The following PTPRD variants were observed in gnomAD, a reference collection of about 807,000 sequenced individuals.
PTPRD encodes receptor-type tyrosine-protein phosphatase delta.
A neutral mutation model predicts 214.5 loss-of-function variants in PTPRD; 34 were observed. The ratio of observed to expected loss-of-function variants is 0.16; its 90% confidence interval spans 0.12 to 0.21. The LOEUF is 0.21. Among genes scored for constraint, PTPRD ranks in the 10% least tolerant of loss-of-function variants. PTPRD has a pLI of 1.00. For synonymous variants in PTPRD, 1,128 were observed against 845.7 expected, an observed-to-expected ratio of 1.33 and a Z score of -5.79; for missense variants, 2,545 against 2,398.7, an observed-to-expected ratio of 1.06 and a Z score of -1.27.
At chr9:9,161,510 G>A (rs1275383402) in intron 10 of PTPRD, among the ~76,000 whole-genome samples, 1 of 152,088 alleles carries the variant, frequency 6.6e-6, no homozygotes, top group African/African-American at 2.4e-5. Context: ...TAGCAATAGA[G>A]ATTTAATTTT....
At chr9:9,736,748 G>A (rs960446093) in intron 6 of PTPRD, among the ~76,000 whole-genome samples, 3 of 151,804 alleles carry the variant, frequency 2.0e-5, no homozygotes, top group Admixed American at 6.6e-5. Flanking sequence ...CATCTGAGAA[G>A]GTTTTTTTAA....
intron 10 of PTPRD, among the ~76,000 whole-genome samples, chr9:9,128,705 A>T (rs1239677155): frequency 2.6e-5 from 4 of 152,226 alleles, no homozygotes; most frequent in Admixed American, 6.5e-5. Flanking sequence ...ATTTTGGAGA[A>T]CTCAGTATGA....
intron 9 of PTPRD, among the ~76,000 whole-genome samples, chr9:9,298,739 T>G (rs1954092945): frequency 6.6e-6 from 1 of 151,880 alleles, no homozygotes; most frequent in Non-Finnish European, 1.5e-5. Context: ...TAATTCCTCC[T>G]CTTCTCTGAA....
chr9:9,361,305 T>C (rs1223909026), intron 9 of PTPRD, among the ~76,000 whole-genome samples: 2 of 151,140 alleles, frequency 1.3e-5, no homozygotes, highest in African/African-American at 4.8e-5. Context: ...TTCAAAAATA[T>C]CAATTCAGTC....
At chr9:10,197,433 A>G (rs1190105277) in intron 3 of PTPRD, among the ~76,000 whole-genome samples, 1 of 152,142 alleles carries the variant, frequency 6.6e-6, no homozygotes, top group East Asian at 1.9e-4. Flanking sequence ...CTTACAAGAC[A>G]TTAAAAACTT....
intron 3 of PTPRD, among the ~76,000 whole-genome samples, chr9:10,224,853 T>G (rs1302231360): frequency 6.6e-6 from 1 of 152,074 alleles, no homozygotes; most frequent in African/African-American, 2.4e-5. Flanking sequence ...ATACATTTTC[T>G]ATTCCTTATG....
At chr9:8,548,059 T>C (rs2140508482) in intron 14 of PTPRD, among the ~76,000 whole-genome samples, 2 of 152,250 alleles carry the variant, frequency 1.3e-5, no homozygotes, top group Middle Eastern at 6.8e-3. Context: ...CAGGGGTGAA[T>C]AACGATTTTG....
intron 3 of PTPRD, among the ~76,000 whole-genome samples, chr9:10,301,436 G>A (rs2154407081): frequency 6.6e-6 from 1 of 152,320 alleles, no homozygotes; most frequent in East Asian, 1.9e-4. Context: ...ATTGACAGAA[G>A]TAAGCCTCAG....
chr9:8,696,642 T>G (rs569869083), intron 12 of PTPRD, among the ~76,000 whole-genome samples: 7 of 152,136 alleles, frequency 4.6e-5, no homozygotes, highest in Non-Finnish European at 1.0e-4. Flanking sequence ...GGGAAGACAA[T>G]GGATGAAAAT....
intron 9 of PTPRD, among the ~76,000 whole-genome samples, chr9:9,297,887 T>G (rs989691830): frequency 5.9e-5 from 9 of 151,658 alleles, no homozygotes; most frequent in African/African-American, 2.2e-4. Flanking sequence ...ACTTTACATA[T>G]AGTAGATCAT....
intron 33 of PTPRD, among the ~76,000 whole-genome samples, chr9:8,457,172 G>A (rs1423509778): frequency 6.6e-6 from 1 of 152,100 alleles, no homozygotes; most frequent in Non-Finnish European, 1.5e-5. Flanking sequence ...ACTTTGTAAT[G>A]AAGAAATGTA....
chr9:10,536,877 G>C (rs890079952), intron 2 of PTPRD, among the ~76,000 whole-genome samples: 5 of 152,184 alleles, frequency 3.3e-5, no homozygotes, highest in South Asian at 2.1e-4. Flanking sequence ...AATCTAATTA[G>C]TAATTGGCAA....
intron 10 of PTPRD, among the ~76,000 whole-genome samples, chr9:9,080,774 T>G (rs964039543): frequency 6.6e-6 from 1 of 152,140 alleles, no homozygotes; most frequent in African/African-American, 2.4e-5. Context: ...GAATTTCTAG[T>G]TTATTTGCAT....
At chr9:8,909,866 C>CAAAAAAAAAAAA in intron 11 of PTPRD, among the ~76,000 whole-genome samples, 1 of 121,844 alleles carries the variant, frequency 8.2e-6, no homozygotes, top group Non-Finnish European at 1.6e-5. Flanking sequence ...ATATTAAAGG[C>CAAAAAAAAAAAA]AAAAAAAAAA....
chr9:8,686,528 G>C (rs1236032016), intron 12 of PTPRD, among the ~76,000 whole-genome samples: 4 of 152,144 alleles, frequency 2.6e-5, no homozygotes, highest in Admixed American at 2.0e-4. Context: ...AATATACATT[G>C]TCACAACAAT....
chr9:9,280,772 A>G (rs534585698), intron 9 of PTPRD, among the ~76,000 whole-genome samples: 17 of 151,450 alleles, frequency 1.1e-4, no homozygotes, highest in African/African-American at 3.9e-4. Flanking sequence ...GAATATTGAC[A>G]AACTGATTGT....
intron 3 of PTPRD, among the ~76,000 whole-genome samples, chr9:10,229,707 TG>T (rs1358996665): frequency 1.4e-3 from 17 of 11,906 alleles, no homozygotes; most frequent in East Asian, 7.6e-3. Context: ...GGTTGTGGGG[TG>T]GGGGGAGGTG....
At chr9:9,413,608 A>G (rs1282967617) in intron 8 of PTPRD, among the ~76,000 whole-genome samples, 1 of 152,220 alleles carries the variant, frequency 6.6e-6, no homozygotes, top group Non-Finnish European at 1.5e-5. Context: ...CTCTGTTTTG[A>G]AAAAGTCTAT....
At chr9:10,076,703 T>G (rs1222323075) in intron 3 of PTPRD, among the ~76,000 whole-genome samples, 1 of 152,100 alleles carries the variant, frequency 6.6e-6, no homozygotes, top group Non-Finnish European at 1.5e-5. Context: ...AGCATGCCCC[T>G]TGTGCTGCCT....
Sources: gnomAD v4.1 joint callset for allele counts (sites outside exome capture counted in the v4.1 genomes callset) on GRCh38, gnomAD v4.1.1 for gene constraint, MANE v1.5 for transcripts, NCBI Gene and HGNC (gene_info 2026-07-23, HGNC 2026-07-21) for gene names.